The following NOS1AP variants were observed in gnomAD, a reference collection of about 807,000 sequenced individuals.
The protein encoded by NOS1AP is carboxyl-terminal PDZ ligand of neuronal nitric oxide synthase protein.
Under a neutral mutation model 56.2 loss-of-function variants are expected in NOS1AP, and 21 were observed. The ratio of observed to expected loss-of-function variants is 0.37; its 90% CI spans 0.26 to 0.54. The LOEUF (loss-of-function observed/expected upper bound fraction) is 0.54, where lower values mean the gene tolerates loss of function less well. Among genes scored for constraint, NOS1AP ranks in the 20% least tolerant of loss-of-function variants. NOS1AP has a pLI of 0.84. For synonymous variants in NOS1AP, 270 were observed against 274.6 expected, an observed-to-expected ratio of 0.98 and a Z score of 0.17; for missense variants, 522 against 657.8, an observed-to-expected ratio of 0.79 and a Z score of 2.26.
At chr1:162,074,836 T>A (rs1691735170) in intron 1 of NOS1AP, among the ~76,000 whole-genome samples, 2 of 152,198 alleles carry the variant, frequency 1.3e-5, no homozygotes, top group African/African-American at 2.4e-5. Flanking sequence ...TTCATGTGAC[T>A]ATTCTCTTCA....
At chr1:162,172,265 A>G (rs372695385) in intron 2 of NOS1AP, among the ~76,000 whole-genome samples, 1 of 152,248 alleles carries the variant, frequency 6.6e-6, no homozygotes, top group Non-Finnish European at 1.5e-5. Context: ...AGAAGAACAC[A>G]TCTTAAATTT....
chr1:162,163,328 G>A (rs777049718), intron 2 of NOS1AP, among the ~76,000 whole-genome samples: 3 of 152,116 alleles, frequency 2.0e-5, no homozygotes, highest in Non-Finnish European at 4.4e-5. Context: ...TCAGTCAAAG[G>A]AAACAAATCA....
At chr1:162,081,560 C>A (rs1462831962) in intron 1 of NOS1AP, among the ~76,000 whole-genome samples, 1 of 141,004 alleles carries the variant, frequency 7.1e-6, no homozygotes, top group African/African-American at 2.7e-5. Flanking sequence ...TTTTTTTTTC[C>A]TTTTGAGATG....
At chr1:162,097,426 A>G (rs562397963) in intron 1 of NOS1AP, among the ~76,000 whole-genome samples, 1 of 152,030 alleles carries the variant, frequency 6.6e-6, no homozygotes, top group South Asian at 2.1e-4. Context: ...TTTCCTTTTT[A>G]TTTGTGTTTT....
intron 1 of NOS1AP, among the ~76,000 whole-genome samples, chr1:162,084,368 G>A (rs1691958564): frequency 6.6e-6 from 1 of 152,158 alleles, no homozygotes; most frequent in Non-Finnish European, 1.5e-5. Flanking sequence ...CTAGGCCTCA[G>A]CTGATACCAC....
At chr1:162,226,339 A>G (rs1652940709) in intron 2 of NOS1AP, among the ~76,000 whole-genome samples, 1 of 152,146 alleles carries the variant, frequency 6.6e-6, no homozygotes, top group Non-Finnish European at 1.5e-5. Context: ...GGCCCTGGGG[A>G]TTTAGCCTTG....
Position 162,344,820 on chromosome 1 carries a change from C to T in NOS1AP, c.595+844C>T, listed in dbSNP as rs139598207. 1.6e-3 allele frequency among the ~76,000 whole-genome samples: 243 copies of T among 151,386 alleles called. 1 individual carries two copies. The highest frequency in any genetic ancestry group is 5.4e-3 in the African/African-American group (221 of 41,282). ...ATGTTAATTTTTAACATGGGAAACC[C>T]AAGAAAATAAACTGAGAACTATTAG... On this transcript the variant is annotated intron_variant, in intron 6 of 9. Coordinates refer to ENST00000361897, the MANE Select transcript of NOS1AP (RefSeq NM_014697.3).
Position 162,367,042 on chromosome 1 carries a change from TC to T in NOS1AP, c.1106-6del. On this transcript the variant is annotated splice_polypyrimidine_tract_variant and intron_variant, in intron 9 of 9. Coordinates refer to ENST00000361897, the MANE Select transcript of NOS1AP (RefSeq NM_014697.3). The surrounding 1 kb of genome is among the most constrained non-coding windows in gnomAD (Gnocchi z 6.5). ...CGCTGCCCCTCTGCTACCTCTTGTC[TC>T]CCCTGCAGTGGGCTCCCAGGACAGC... 6.2e-7 allele frequency: 1 copy of T among 1,613,800 alleles called. No homozygotes were observed. Among genetic ancestry groups the T allele is most frequent in the Non-Finnish European group, 8.5e-7 (1 of 1,179,980 alleles).
At chr1:162,191,830 C>T (rs1651657523) in intron 2 of NOS1AP, among the ~76,000 whole-genome samples, 1 of 152,142 alleles carries the variant, frequency 6.6e-6, no homozygotes, top group Non-Finnish European at 1.5e-5. Context: ...TCACACCATT[C>T]ATTTAGCCTA....
At chr1:162,072,643 AG>A (rs1405756550) in intron 1 of NOS1AP, among the ~76,000 whole-genome samples, 1 of 152,236 alleles carries the variant, frequency 6.6e-6, no homozygotes, top group Non-Finnish European at 1.5e-5. Flanking sequence ...GCTGACTTTG[AG>A]GACCAGGTCC....
chr1:162,302,848 A>G (rs921288165), intron 4 of NOS1AP, among the ~76,000 whole-genome samples: 5 of 152,088 alleles, frequency 3.3e-5, no homozygotes, highest in Non-Finnish European at 2.9e-5. Context: ...CCAAGCGACC[A>G]CGATCTCCTT....
chr1:162,071,367 C>T (rs187196393), intron 1 of NOS1AP, among the ~76,000 whole-genome samples: 14 of 152,326 alleles, frequency 9.2e-5, no homozygotes, highest in Non-Finnish European at 1.3e-4. Context: ...TAGCATCTCA[C>T]GAAAGGATTA....
At chr1:162,268,384 G>T (rs1654490152) in intron 2 of NOS1AP, among the ~76,000 whole-genome samples, 1 of 151,796 alleles carries the variant, frequency 6.6e-6, no homozygotes, top group South Asian at 2.1e-4. Flanking sequence ...CCAGAGAAAA[G>T]ATCTCCAGGC....
At chr1:162,304,984 G>T (rs1010419728) in intron 4 of NOS1AP, among the ~76,000 whole-genome samples, 1 of 152,050 alleles carries the variant, frequency 6.6e-6, no homozygotes, top group Non-Finnish European at 1.5e-5. Context: ...ACATACAATT[G>T]TTTGTGGCTT....
intron 1 of NOS1AP, among the ~76,000 whole-genome samples, chr1:162,111,060 A>G (rs1262096231): frequency 6.6e-6 from 1 of 152,210 alleles, no homozygotes; most frequent in African/African-American, 2.4e-5. Flanking sequence ...ACAACTTACA[A>G]CTAGTGAGTA....
At position 162,309,865 on chromosome 1, in the gene NOS1AP, T is replaced by G. The variant is rs192173865; in HGVS notation, c.344+9159T>G. Among the ~76,000 whole-genome samples, 385 of 152,332 alleles carry G rather than the reference T, an allele frequency of 2.5e-3. 2 individuals carry two copies. Among genetic ancestry groups the G allele is most frequent in the African/African-American group, 8.9e-3 (372 of 41,576 alleles). ...GGAAGGTTTTTAAAGTATGTGTAAT[T>G]TTAAGCATTATTATTTTTTCAAAAT... is the stretch of plus-strand genomic sequence containing the variant. On this transcript the variant is annotated intron_variant, in intron 4 of 9. Transcript: ENST00000361897.
rs1420672176 is a variant in NOS1AP at position 162,278,673 on chromosome 1, G to GTA, written c.178-8670_178-8669insAT. Among the ~76,000 whole-genome samples, 460 of 96,996 alleles carry GTA rather than the reference G, an allele frequency of 4.7e-3. 4 individuals carry two copies. Among genetic ancestry groups the GTA allele is most frequent in the Middle Eastern group, 0.022 (4 of 182 alleles). 63.6% of individuals were successfully genotyped at this position (96,996 alleles called of 152,430 possible). Reference sequence around the variant, plus strand: ...ACGTTTACTCCTTCTACGTGTGTGTGTGTGTGTGTGTGTGTGTGTGTGTGT... The same window carrying GTA: ...ACGTTTACTCCTTCTACGTGTGTGTGTATGTGTGTGTGTGTGTGTGTGTGTGT... On this transcript the variant is annotated intron_variant, in intron 2 of 9. Coordinates refer to ENST00000361897, the MANE Select transcript of NOS1AP (RefSeq NM_014697.3).
intron 2 of NOS1AP, among the ~76,000 whole-genome samples, chr1:162,278,199 C>A (rs1654805351): frequency 6.6e-6 from 1 of 152,100 alleles, no homozygotes; most frequent in African/African-American, 2.4e-5. Flanking sequence ...GTGTGCCTGC[C>A]CATCTAACTC....
chr1:162,285,291 G>A (rs1055668662), intron 2 of NOS1AP, among the ~76,000 whole-genome samples: 4 of 152,166 alleles, frequency 2.6e-5, no homozygotes, highest in Non-Finnish European at 5.9e-5. Context: ...GTTTATTAAA[G>A]CCCAAGTGAC....
Sources: gnomAD v4.1 joint callset for allele counts (sites outside exome capture counted in the v4.1 genomes callset) on GRCh38, gnomAD v4.1.1 for gene constraint, Gnocchi (gnomAD v3.1) non-coding constraint, MANE v1.5 for transcripts, NCBI Gene and HGNC (gene_info 2026-07-23, HGNC 2026-07-21) for gene names.